Variants in MAST3 observed in about 807,000 individuals in gnomAD.
MAST3 encodes microtubule-associated serine/threonine-protein kinase 3.
MAST3 carries 43 observed loss-of-function variants against 127.0 expected under a neutral mutation model. That is an observed-to-expected ratio of 0.34 (90% CI 0.27 to 0.44). The LOEUF is 0.44. Among genes scored for constraint, MAST3 ranks in the 20% least tolerant of loss-of-function variants. The pLI, the probability that MAST3 is intolerant of heterozygous loss-of-function variation, is 1.00. For synonymous variants in MAST3, 785 were observed against 809.2 expected (o/e 0.97, Z 0.51); for missense variants, 1,390 against 1,919.1 (o/e 0.72, Z 5.15).
At chr19:18,098,947 G>C (rs539643345) in intron 1 of MAST3, 5 of 349,830 alleles carry the variant, frequency 1.4e-5, no homozygotes, top group Non-Finnish European at 2.3e-5. Context: ...GCCTGACCCA[G>C]TCATTGCTGG....
chr19:18,122,385 G>A (rs12462442), intron 5 of MAST3, among the ~76,000 whole-genome samples: 16,644 of 151,770 alleles, frequency 0.11, 1,173 homozygotes, highest in Admixed American at 0.15. Context: ...GGAGTCCTCC[G>A]TTTGGTGGGG....
At chr19:18,136,202 C>G (rs1330352231) in intron 18 of MAST3, among the ~76,000 whole-genome samples, 2 of 152,170 alleles carry the variant, frequency 1.3e-5, no homozygotes, top group African/African-American at 4.8e-5. Context: ...ATGCAGCCAC[C>G]CATCACGTGG....
intron 15 of MAST3, among the ~76,000 whole-genome samples, chr19:18,134,250 A>C (rs954462002): frequency 1.3e-5 from 2 of 152,112 alleles, no homozygotes; most frequent in African/African-American, 4.8e-5. Flanking sequence ...ACACACACAC[A>C]TATACGCACA....
chr19:18,130,289 C>G (rs1222813704), intron 13 of MAST3, among the ~76,000 whole-genome samples: 1 of 152,166 alleles, frequency 6.6e-6, no homozygotes, highest in Non-Finnish European at 1.5e-5. Flanking sequence ...CATGTGCAGC[C>G]CATTTATATG....
chr19:18,150,820 G>C lies in MAST3; in HGVS notation c.*1094G>C, dbSNP rs2043477994. 1 of 152,256 alleles carries C rather than the reference G, an allele frequency of 6.6e-6. No individual in the cohort carries two copies. Among genetic ancestry groups the C allele is most frequent in the South Asian group, 2.1e-4 (1 of 4,830 alleles). The allele number at this position is 152,256 out of a possible 1,614,324, so 9.4% of individuals were successfully genotyped here. On this transcript the variant is annotated 3_prime_UTR_variant, in exon 28 of 28. Transcript: ENST00000687212. ...CGCTCCCCAGGTGGGCACTGATAAA[G>C]GAAGGTACAGGCCTCACCTGGAACT...
Position 18,149,117 on chromosome 19 carries a change from GTCAGTCCCACAGC to G in MAST3, c.3509-71_3509-59del. ...AAGGATGTGGGCTTTAGCAGTTTTT[GTCAGTCCCACAGC>G]TCCACTTCTGGGCTGGGGACATTGA... is the stretch of plus-strand genomic sequence containing the variant. On this transcript the variant is annotated intron_variant, in intron 27 of 27. Transcript: ENST00000687212. The surrounding 1 kb of genome is among the most constrained non-coding windows in gnomAD (Gnocchi z 5.9). 7.2e-7 allele frequency: 1 copy of G among 1,389,580 alleles called. No homozygotes were observed. The highest frequency in any genetic ancestry group is 9.4e-7 in the Non-Finnish European group (1 of 1,069,032). The allele number at this position is 1,389,580 out of a possible 1,614,324, so 86.1% of individuals were successfully genotyped here. A position where few individuals can be genotyped will look rare whatever the true frequency, so the allele number is the denominator to read the frequency against.
intron 4 of MAST3, 24 bp downstream of exon 4, chr19:18,121,797 G>T (rs2040011201): frequency 1.2e-6 from 2 of 1,613,812 alleles, no homozygotes; most frequent in Non-Finnish European, 1.7e-6. Context: ...CAGCCAGCGG[G>T]TGCTGTGTCC....
rs754764169 is a variant in MAST3, at chr19:18,137,335, C to T, written c.2069C>T (p.Ala690Val). ...GCCGAGTTCGTGCCCCAGCTCGAAGCTGAGGATGATACCAGCTACTTTGAC... is the reference window on the plus strand; with the variant it reads ...GCCGAGTTCGTGCCCCAGCTCGAAGTTGAGGATGATACCAGCTACTTTGAC... ...HKAEFVPQLE[A>V]EDDTSYFDTR... Residue 690 changes from alanine (A) to valine (V), a missense_variant, in exon 19 of 28, where the codon GCT (alanine) becomes GTT (valine). Physicochemically the swap from Ala to Val is moderately conservative, Grantham distance 64. This residue lies in a region of MAST3 where 191 missense variants were observed against 409.0 expected (regional missense o/e 0.47). Coordinates refer to ENST00000687212, the MANE Select transcript of MAST3 (RefSeq NM_001393504.1). The T allele has an allele frequency of 6.2e-7, 1 of 1,613,832 alleles. No homozygotes were observed. Among genetic ancestry groups the T allele is most frequent in the East Asian group, 2.2e-5 (1 of 44,878 alleles).
At chr19:18,121,606 G>C (rs760293969) in intron 3 of MAST3, 79 bp from the exon 4 acceptor site, 45 of 1,208,812 alleles carry the variant, frequency 3.7e-5, no homozygotes, top group Non-Finnish European at 5.3e-5. Context: ...AACGGGCTGC[G>C]AGTGTGATTT....
chr19:18,124,937 C>CT (rs2040421975), intron 11 of MAST3, among the ~76,000 whole-genome samples, 163 bp downstream of exon 11: 1 of 139,264 alleles, frequency 7.2e-6, no homozygotes, highest in Non-Finnish European at 1.6e-5. Context: ...GGAAACCCCC[C>CT]CCCTACTAAA....
chr19:18,110,837 C>T lies in MAST3; in HGVS notation c.161+96C>T, dbSNP rs273506. On this transcript the variant is annotated intron_variant, in intron 3 of 27. Transcript: ENST00000687212. This position sits in a 1 kb window ranked among gnomAD's most constrained non-coding sequence, Gnocchi z 4.3. ...ACTCATCGGTCTCCTCAAGATACTGCAGGTTGGTGACATCACCTCTCTGGG... is the reference window on the plus strand; with the variant it reads ...ACTCATCGGTCTCCTCAAGATACTGTAGGTTGGTGACATCACCTCTCTGGG... 231,343 of 519,152 alleles carry T rather than the reference C, an allele frequency of 0.45. 53,807 individuals are homozygous for T. Among genetic ancestry groups the T allele is most frequent in the African/African-American group, 0.55 (26,615 of 47,998 alleles). The allele number at this position is 519,152 out of a possible 1,614,324, so 32.2% of individuals were successfully genotyped here.
rs752925987 is a variant in MAST3 at position 18,124,682 on chromosome 19, C to T, written c.986C>T (p.Ala329Val). Reference sequence around the variant, plus strand: ...GAATTTTACCACCTGCTGGAGGCGGCTGAGGGCCATGCGCGGGAGGGCCAA... The same window carrying T: ...GAATTTTACCACCTGCTGGAGGCGGTTGAGGGCCATGCGCGGGAGGGCCAA... ...PEEFYHLLEA[A>V]EGHAREGQGI... Residue 329 changes from alanine to valine, a missense_variant, in exon 11 of 28, where the codon GCT becomes GTT. Ala to Val is a moderately conservative substitution (Grantham distance 64, BLOSUM62 0). Around this residue, in one of 5 missense-constraint regions of MAST3, gnomAD observed 277 missense variants for 384.8 expected, o/e 0.72. Coordinates refer to ENST00000687212, the MANE Select transcript of MAST3 (RefSeq NM_001393504.1). 7.5e-6 allele frequency: 12 copies of T among 1,610,628 alleles called. No individual in the cohort carries two copies. The highest frequency in any genetic ancestry group is 1.0e-5 in the Non-Finnish European group (12 of 1,178,822).
intron 14 of MAST3, among the ~76,000 whole-genome samples, chr19:18,131,427 G>A (rs529823012): frequency 1.2e-4 from 16 of 139,058 alleles, no homozygotes; most frequent in African/African-American, 3.9e-4. Flanking sequence ...TAGGCCAGGC[G>A]CGGTGGCCAA....
chr19:18,110,986 G>C lies in MAST3; in HGVS notation c.161+245G>C, dbSNP rs1307442680. 6.6e-6 allele frequency among the ~76,000 whole-genome samples: 1 copy of C among 152,178 alleles called. No individual in the cohort carries two copies. Among genetic ancestry groups the C allele is most frequent in the African/African-American group, 2.4e-5 (1 of 41,438 alleles). On this transcript the variant is annotated intron_variant, in intron 3 of 27. Transcript: ENST00000687212. This position sits in a 1 kb window ranked among gnomAD's most constrained non-coding sequence, Gnocchi z 4.3. Reference sequence around the variant, plus strand: ...AGGAAAGGGAAGAACTTAAGCTGTTGCCCAAGGACTTCGCCAAGACAGGTG... The same window carrying C: ...AGGAAAGGGAAGAACTTAAGCTGTTCCCCAAGGACTTCGCCAAGACAGGTG...
chr19:18,100,301 T>C (rs894169371), intron 1 of MAST3, among the ~76,000 whole-genome samples: 1 of 151,846 alleles, frequency 6.6e-6, no homozygotes, highest in African/African-American at 2.4e-5. Flanking sequence ...AATTTTTGTA[T>C]TTTTAGTAGA....
chr19:18,139,708 G>A (rs889815875), intron 20 of MAST3, among the ~76,000 whole-genome samples: 19 of 152,148 alleles, frequency 1.2e-4, no homozygotes, highest in Non-Finnish European at 2.4e-4. Context: ...TGATCTGCCC[G>A]CCTCGGCCTC....
chr19:18,128,778 AC>A, intron 12 of MAST3, 87 bp from the exon 13 acceptor site: 1 of 1,026,210 alleles, frequency 9.7e-7, no homozygotes, highest in Non-Finnish European at 1.5e-6. Flanking sequence ...AGCATCGGGC[AC>A]CAGGACCAGT....
Position 18,144,793 on chromosome 19 carries a change from GA to G in MAST3, c.2812+102del. ...TTGGGGAGGCTGGGGATGAGCCCCA[GA>G]AGAGGGGAGGAGGAGTAGGACACAT... On this transcript the variant is annotated intron_variant, in intron 23 of 27. Transcript: ENST00000687212. This position sits in a 1 kb window ranked among gnomAD's most constrained non-coding sequence, Gnocchi z 4.0. 7.8e-7 allele frequency: 1 copy of G among 1,287,562 alleles called. No individual in the cohort carries two copies. Among genetic ancestry groups the G allele is most frequent in the South Asian group, 1.2e-5 (1 of 82,700 alleles). The allele number at this position is 1,287,562 out of a possible 1,614,324, so 79.8% of individuals were successfully genotyped here. A position where few individuals can be genotyped will look rare whatever the true frequency, so the allele number is the denominator to read the frequency against.
Position 18,124,484 on chromosome 19 carries a change from AG to A in MAST3, c.945+121del. The A allele has an allele frequency of 3.0e-6, 4 of 1,335,620 alleles. No individual in the cohort carries two copies. In the East Asian group the frequency reaches 1.0e-4, roughly 34 times the overall value. The allele number at this position is 1,335,620 out of a possible 1,614,324, so 82.7% of individuals were successfully genotyped here. ...TCGTGTAGGGCTTTGAGAGGAACAC[AG>A]GGTGCTATTGGGCTAGCGTGGGCTT... is the stretch of plus-strand genomic sequence containing the variant. On this transcript the variant is annotated intron_variant, in intron 10 of 27. Transcript: ENST00000687212.
Sources: gnomAD v4.1 joint callset for allele counts (sites outside exome capture counted in the v4.1 genomes callset) on GRCh38, gnomAD v4.1.1 for gene constraint, gnomAD v4.1.1 regional missense constraint, Gnocchi (gnomAD v3.1) non-coding constraint, MANE v1.5 for transcripts, NCBI Gene and HGNC (gene_info 2026-07-23, HGNC 2026-07-21) for gene names.